The following CDH19 variants were observed in gnomAD, a reference collection of about 807,000 sequenced individuals.
CDH19 encodes the protein cadherin 19, also known as cadherin-19.
A neutral mutation model predicts 64.2 loss-of-function variants in CDH19; 67 were observed. The observed-to-expected ratio is 1.04, with a 90% CI of 0.86 to 1.28. The LOEUF (loss-of-function observed/expected upper bound fraction) is 1.28, where lower values mean the gene tolerates loss of function less well. Ranked by LOEUF, CDH19 falls within the 50% of genes most tolerant of loss-of-function variation. The pLI, the probability that CDH19 is intolerant of heterozygous loss-of-function variation, is 0.00. For synonymous variants in CDH19, 346 were observed against 319.3 expected, an observed-to-expected ratio of 1.08 and a Z score of -0.89; for missense variants, 1,030 against 929.0, an observed-to-expected ratio of 1.11 and a Z score of -1.41.
chr18:66,502,503 T>A lies in CDH19; in HGVS notation c.*2309A>T, dbSNP rs936244218. 2 of 152,042 alleles carry A rather than the reference T, an allele frequency of 1.3e-5. No individual in the cohort carries two copies. The highest frequency in any genetic ancestry group is 6.6e-5 in the Admixed American group (1 of 15,244). 9.4% of individuals were successfully genotyped at this position (152,042 alleles called of 1,614,324 possible). A position where few individuals can be genotyped will look rare whatever the true frequency, so the allele number is the denominator to read the frequency against. ...GTCATCTCCAGAAAGCCTTATTTAC[T>A]TTTTCTCGTCTATTTTCCATGAATT... is the stretch of plus-strand genomic sequence containing the variant. On this transcript the variant is annotated 3_prime_UTR_variant, in exon 12 of 12. Transcript: ENST00000262150.
intron 1 of CDH19, among the ~76,000 whole-genome samples, chr18:66,586,761 T>C (rs1253260997): frequency 1.3e-5 from 2 of 152,108 alleles, no homozygotes; most frequent in Admixed American, 6.6e-5. Context: ...TTAAATCTTG[T>C]CTGTGTAGTT....
At chr18:66,535,944 C>A (rs1215214605) in intron 7 of CDH19, among the ~76,000 whole-genome samples, 1 of 144,976 alleles carries the variant, frequency 6.9e-6, no homozygotes, top group African/African-American at 2.5e-5. Flanking sequence ...TATATACACA[C>A]ATATAAAACA....
Position 66,543,133 on chromosome 18 carries a change from C to T in CDH19, c.1214+838G>A, listed in dbSNP as rs565051322. ...CTCTGCCTCCTGGGTTCACGCCATT[C>T]TCCTGCCTCAGCCTCCTGAGTAGCT... On this transcript the variant is annotated intron_variant, in intron 7 of 11. Coordinates refer to ENST00000262150, the MANE Select transcript of CDH19 (RefSeq NM_021153.4). 3.9e-5 allele frequency among the ~76,000 whole-genome samples: 6 copies of T among 152,288 alleles called. No individual in the cohort carries two copies. In the South Asian group the frequency reaches 1.0e-3, roughly 26 times the overall value.
chr18:66,516,371 A>C (rs1413076989), intron 9 of CDH19, among the ~76,000 whole-genome samples: 1 of 151,660 alleles, frequency 6.6e-6, no homozygotes, highest in African/African-American at 2.4e-5. Context: ...TGTGATATAC[A>C]AAAAAACCCA....
chr18:66,547,650 G>A (rs1421731310), intron 5 of CDH19, among the ~76,000 whole-genome samples: 1 of 147,536 alleles, frequency 6.8e-6, no homozygotes, highest in African/African-American at 2.5e-5. Context: ...GTTCAGTTAA[G>A]TGTGTGTTAG....
At chr18:66,552,699 T>G (rs1987388188) in intron 4 of CDH19, among the ~76,000 whole-genome samples, 1 of 134,592 alleles carries the variant, frequency 7.4e-6, no homozygotes, top group African/African-American at 3.4e-5. Flanking sequence ...AGTAATTTAA[T>G]CCATGTTTGT....
At chr18:66,588,644 A>T (rs1208908328) in intron 1 of CDH19, among the ~76,000 whole-genome samples, 2 of 144,854 alleles carry the variant, frequency 1.4e-5, no homozygotes, top group Non-Finnish European at 3.1e-5. Flanking sequence ...ATATAGATAC[A>T]GCTCAGATTT....
intron 9 of CDH19, among the ~76,000 whole-genome samples, chr18:66,516,458 G>A (rs946190901): frequency 3.3e-5 from 5 of 151,986 alleles, no homozygotes; most frequent in Non-Finnish European, 7.4e-5. Flanking sequence ...TTCATAAATT[G>A]AGAATGGTAC....
chr18:66,598,965 C>T (rs78373218), intron 1 of CDH19, among the ~76,000 whole-genome samples: 4,128 of 151,920 alleles, frequency 0.027, 204 homozygotes, highest in African/African-American at 0.094. Context: ...TTTTGGAATT[C>T]AATCTCAAGA....
chr18:66,530,772 T>C (rs1180141218), intron 8 of CDH19, among the ~76,000 whole-genome samples: 1 of 152,188 alleles, frequency 6.6e-6, no homozygotes, highest in African/African-American at 2.4e-5. Flanking sequence ...GGATAATTCT[T>C]AGTTTTGGGA....
At chr18:66,539,831 T>C (rs73539712) in intron 7 of CDH19, among the ~76,000 whole-genome samples, 2,965 of 152,180 alleles carry the variant, frequency 0.019, 111 homozygotes, top group African/African-American at 0.068. Flanking sequence ...TATATGCTTG[T>C]GTGTATGCAT....
intron 9 of CDH19, among the ~76,000 whole-genome samples, chr18:66,521,979 C>T (rs1280138858): frequency 2.6e-5 from 4 of 151,654 alleles, no homozygotes; most frequent in Admixed American, 2.0e-4. Context: ...CGGAGTTTCT[C>T]TCTGTCGCCC....
At position 66,555,006 on chromosome 18, in the gene CDH19, G is replaced by C. The variant is rs1253161781; in HGVS notation, c.491-482C>G. On this transcript the variant is annotated intron_variant, in intron 3 of 11. Transcript: ENST00000262150. The stretch of plus-strand genomic sequence containing the variant: ...GAGTATCCAGTTGAGGATAAGGATG[G>C]GCATAATTATTCAGCTCCTTTAATT... 2.0e-5 allele frequency among the ~76,000 whole-genome samples: 3 copies of C among 151,606 alleles called. No individual in the cohort carries two copies. The East Asian group carries it at 5.8e-4, about 29-fold the overall frequency.
chr18:66,585,687 A>C (rs1988557055), intron 1 of CDH19, among the ~76,000 whole-genome samples: 1 of 152,122 alleles, frequency 6.6e-6, no homozygotes, highest in Non-Finnish European at 1.5e-5. Context: ...AGCTATTTTC[A>C]TTTCTGCTAA....
chr18:66,548,530 A>G (rs1345543820), intron 5 of CDH19, among the ~76,000 whole-genome samples: 1 of 152,102 alleles, frequency 6.6e-6, no homozygotes, highest in African/African-American at 2.4e-5. Flanking sequence ...GACTAGTAAG[A>G]CAGAAGAAAA....
chr18:66,545,595 T>C lies in CDH19; in HGVS notation c.776-692A>G, dbSNP rs555539603. 2.0e-5 allele frequency among the ~76,000 whole-genome samples: 3 copies of C among 152,292 alleles called. No individual in the cohort carries two copies. In the East Asian group the frequency reaches 5.8e-4, roughly 29 times the overall value. ...ATGTCTCCTCAATATTCATGTTTTA[T>C]TTTTTATTGTAACCTTCAACCATAC... On this transcript the variant is annotated intron_variant, in intron 5 of 11. Coordinates refer to ENST00000262150, the MANE Select transcript of CDH19 (RefSeq NM_021153.4).
Position 66,551,267 on chromosome 18 carries a change from A to G in CDH19, c.611-9T>C. On this transcript the variant is annotated splice_polypyrimidine_tract_variant and intron_variant, in intron 4 of 11. Transcript: ENST00000262150. The stretch of plus-strand genomic sequence containing the variant: ...AGATATTCTTATGACTCCTTTAAAA[A>G]TATAATAAAATTCCAATTATTTCAT... 8.0e-7 allele frequency: 1 copy of G among 1,257,566 alleles called. No individual in the cohort carries two copies. The allele number at this position is 1,257,566 out of a possible 1,614,324, so 77.9% of individuals were successfully genotyped here. A position where few individuals can be genotyped will look rare whatever the true frequency, so the allele number is the denominator to read the frequency against.
chr18:66,533,228 AC>A (rs1986526036), intron 8 of CDH19, among the ~76,000 whole-genome samples: 1 of 151,916 alleles, frequency 6.6e-6, no homozygotes, highest in Non-Finnish European at 1.5e-5. Flanking sequence ...ACACACACAC[AC>A]ACACACACAC....
At position 66,509,177 on chromosome 18, in the gene CDH19, G is replaced by A. The variant is rs775809410; in HGVS notation, c.1646C>T (p.Ser549Phe). Residue 549 changes from serine (S) to phenylalanine (F), a missense_variant, in exon 11 of 12, where the codon TCC (serine) becomes TTC (phenylalanine). Ser to Phe is a radical substitution (Grantham distance 155, BLOSUM62 -2). Transcript: ENST00000262150. ...NLQEEPVFYISILIADNGIPS... is the reference protein window; with the variant it reads ...NLQEEPVFYIFILIADNGIPS... ...GATTCCATTGTCGGCAATTAAGATG[G>A]AGATGTAGAAGACAGGTTCTTCTTG... is the stretch of plus-strand genomic sequence containing the variant. 17 of 1,612,394 alleles carry A rather than the reference G, an allele frequency of 1.1e-5. No homozygotes were observed. The South Asian group carries it at 1.5e-4, about 15-fold the overall frequency.
Sources: allele counts gnomAD v4.1 joint callset (sites outside exome capture counted in the v4.1 genomes callset), GRCh38; gene constraint gnomAD v4.1.1; transcripts MANE v1.5; gene names NCBI Gene and HGNC (gene_info 2026-07-23, HGNC 2026-07-21).